KIF16B: variants seen among roughly 807,000 people sequenced by gnomAD.
The protein encoded by KIF16B is kinesin family member 16B.
Under a neutral mutation model 156.3 loss-of-function variants are expected in KIF16B, and 98 were observed. The ratio of observed to expected loss-of-function variants is 0.63; its 90% CI spans 0.53 to 0.74. KIF16B has a LOEUF of 0.74. Ranked by LOEUF, KIF16B falls within the 30% of genes least tolerant of loss-of-function variation. The pLI is 0.00. For missense variants in KIF16B, 1,421 were observed against 1,606.5 expected (o/e 0.88, Z 1.97); for synonymous variants, 564 against 583.7 (o/e 0.97, Z 0.49).
In KIF16B at chr20:16,272,561, G is replaced by T. The variant is rs575719936; in HGVS notation, c.*692C>A. 6.5e-6 allele frequency: 1 copy of T among 152,700 alleles called. No homozygotes were observed. Among genetic ancestry groups the T allele is most frequent in the South Asian group, 2.1e-4 (1 of 4,822 alleles). 9.5% of individuals were successfully genotyped at this position (152,700 alleles called of 1,614,324 possible). A position where few individuals can be genotyped will look rare whatever the true frequency, so the allele number is the denominator to read the frequency against. On this transcript the variant is annotated 3_prime_UTR_variant, in exon 26 of 26. Coordinates refer to ENST00000354981, the MANE Select transcript of KIF16B (RefSeq NM_024704.5). ...GGGAGAATGTTCTTGAATATTCAAG[G>T]TTAAATAAATATCCTAATTGTAGGG...
At chr20:16,284,483 C>T (rs2063193723) in intron 25 of KIF16B, among the ~76,000 whole-genome samples, 1 of 152,130 alleles carries the variant, frequency 6.6e-6, no homozygotes, top group Admixed American at 6.6e-5. Flanking sequence ...GCATATTATC[C>T]CAAATGAAAC....
intron 21 of KIF16B, among the ~76,000 whole-genome samples, chr20:16,371,353 G>A (rs1254659347): frequency 6.6e-6 from 1 of 152,154 alleles, no homozygotes; most frequent in Non-Finnish European, 1.5e-5. Context: ...TTGGGAAGCC[G>A]AGATGGGCAG....
intron 24 of KIF16B, among the ~76,000 whole-genome samples, chr20:16,331,088 G>T (rs2063940069): frequency 1.3e-5 from 2 of 152,336 alleles, no homozygotes; most frequent in Non-Finnish European, 2.9e-5. Flanking sequence ...CTGAGCATGG[G>T]CTATGGGAGT....
At chr20:16,453,687 C>T (rs79959657) in intron 12 of KIF16B, among the ~76,000 whole-genome samples, 4,505 of 152,166 alleles carry the variant, frequency 0.03, 90 homozygotes, top group Non-Finnish European at 0.047. Context: ...TGTAATTAAT[C>T]GGCCCTTAAA....
chr20:16,337,821 C>A (rs537353179), intron 23 of KIF16B, among the ~76,000 whole-genome samples: 40 of 152,296 alleles, frequency 2.6e-4, no homozygotes, highest in African/African-American at 7.2e-4. Context: ...GTGGCAAAGA[C>A]AAAACTGGAG....
intron 17 of KIF16B, among the ~76,000 whole-genome samples, chr20:16,394,160 A>C (rs1024635340): frequency 2.0e-5 from 3 of 152,206 alleles, no homozygotes; most frequent in African/African-American, 7.2e-5. Context: ...TTGACAATTC[A>C]GTTTTAGATT....
At chr20:16,499,721 T>A (rs921146651) in intron 10 of KIF16B, among the ~76,000 whole-genome samples, 7 of 152,194 alleles carry the variant, frequency 4.6e-5, no homozygotes, top group Admixed American at 2.0e-4. Flanking sequence ...TTCTGCCACA[T>A]CATCAAGTCA....
At chr20:16,569,123 C>T (rs1218523549) in intron 1 of KIF16B, among the ~76,000 whole-genome samples, 1 of 152,142 alleles carries the variant, frequency 6.6e-6, no homozygotes, top group African/African-American at 2.4e-5. Flanking sequence ...GAGGACCTGG[C>T]TCTCAGAAGA....
intron 10 of KIF16B, among the ~76,000 whole-genome samples, chr20:16,503,303 G>A (rs2068678087): frequency 6.6e-6 from 1 of 152,206 alleles, no homozygotes; most frequent in South Asian, 2.1e-4. Context: ...ATCACGTGGA[G>A]CTGGACTCTT....
intron 10 of KIF16B, among the ~76,000 whole-genome samples, chr20:16,498,343 A>G (rs2068513684): frequency 6.6e-6 from 1 of 152,044 alleles, no homozygotes; most frequent in Admixed American, 6.6e-5. Flanking sequence ...TGTGCTTCCT[A>G]TTCTGCCTCC....
chr20:16,497,278 A>G (rs1453089081), intron 11 of KIF16B, among the ~76,000 whole-genome samples: 2 of 152,212 alleles, frequency 1.3e-5, no homozygotes, highest in Non-Finnish European at 2.9e-5. Flanking sequence ...CATGGGGACC[A>G]CTACTGTTTC....
chr20:16,516,339 TAC>T (rs1568630913), intron 3 of KIF16B, among the ~76,000 whole-genome samples: 1 of 152,148 alleles, frequency 6.6e-6, no homozygotes, highest in Non-Finnish European at 1.5e-5. Flanking sequence ...TCCATATAAT[TAC>T]AGTTTGGGTA....
rs915100188 is a variant in KIF16B, at chr20:16,297,063, C to T, written c.3795+15272G>A. ...CAGTTCTTCTTGGGACTTGAGCCTGCTGGCTTTCAGCCTGGAACTTACACG... is the reference window on the plus strand; with the variant it reads ...CAGTTCTTCTTGGGACTTGAGCCTGTTGGCTTTCAGCCTGGAACTTACACG... On this transcript the variant is annotated intron_variant, in intron 25 of 25. Transcript: ENST00000354981. Among the ~76,000 whole-genome samples the T allele has an allele frequency of 4.6e-5, 7 of 152,228 alleles. No homozygotes were observed. The East Asian group carries it at 1.3e-3, about 29-fold the overall frequency.
At chr20:16,323,886 T>G (rs192071325) in intron 24 of KIF16B, among the ~76,000 whole-genome samples, 1 of 151,846 alleles carries the variant, frequency 6.6e-6, no homozygotes, top group African/African-American at 2.4e-5. Context: ...GAAACATAGT[T>G]AGCACTACAC....
Position 16,375,834 on chromosome 20 carries a change from A to G in KIF16B, c.3198-1425T>C, listed in dbSNP as rs564073293. On this transcript the variant is annotated intron_variant, in intron 19 of 25. Transcript: ENST00000354981. ...TCCACAGAGCAAAGAAGGGTTTGAGAGGTATCCTGAAGTCTGAGTGAGATT... is the reference window on the plus strand; with the variant it reads ...TCCACAGAGCAAAGAAGGGTTTGAGGGGTATCCTGAAGTCTGAGTGAGATT... 4.6e-5 allele frequency among the ~76,000 whole-genome samples: 7 copies of G among 152,314 alleles called. No individual in the cohort carries two copies. The South Asian group carries it at 1.5e-3, about 32-fold the overall frequency.
At chr20:16,447,611 T>G (rs73898757) in intron 12 of KIF16B, among the ~76,000 whole-genome samples, 2,333 of 151,496 alleles carry the variant, frequency 0.015, 41 homozygotes, top group African/African-American at 0.037. Flanking sequence ...CTGTCTCTAT[T>G]AAAAAAAAAT....
rs1033041667 is a variant in KIF16B at position 16,272,919 on chromosome 20, G to A, written c.*334C>T. ...CTTTGGGAGGTCCCAGGCTGGCTGG[G>A]CTCAGGGAACCCACGATGGCCCAAC... On this transcript the variant is annotated 3_prime_UTR_variant, in exon 26 of 26. Transcript: ENST00000354981. 1 of 199,998 alleles carries A rather than the reference G, an allele frequency of 5.0e-6. No homozygotes were observed. The highest frequency in any genetic ancestry group is 1.0e-5 in the Non-Finnish European group (1 of 99,378). 12.4% of individuals were successfully genotyped at this position (199,998 alleles called of 1,614,324 possible).
At chr20:16,382,537 C>G (rs1011724081) in intron 17 of KIF16B, among the ~76,000 whole-genome samples, 3 of 152,132 alleles carry the variant, frequency 2.0e-5, no homozygotes, top group Admixed American at 1.3e-4. Context: ...AGATTGTGAA[C>G]AGATTCATAG....
chr20:16,396,783 G>C (rs756561183), intron 17 of KIF16B, among the ~76,000 whole-genome samples: 2 of 151,730 alleles, frequency 1.3e-5, no homozygotes, highest in Non-Finnish European at 2.9e-5. Flanking sequence ...CTGAGTTAGG[G>C]GCCTTCCGTG....
Sources: allele counts gnomAD v4.1 joint callset (sites outside exome capture counted in the v4.1 genomes callset), GRCh38; gene constraint gnomAD v4.1.1; transcripts MANE v1.5; gene names NCBI Gene and HGNC (gene_info 2026-07-23, HGNC 2026-07-21).